CXorf58: variants seen among roughly 807,000 people sequenced by gnomAD.
CXorf58 encodes the protein uncharacterized protein CXorf58.
A neutral mutation model predicts 26.0 loss-of-function variants in CXorf58; 24 were observed. That is an observed-to-expected ratio of 0.92 (90% confidence interval 0.67 to 1.30). CXorf58 has a LOEUF of 1.30. Among genes scored for constraint, CXorf58 ranks in the 50% most tolerant of loss-of-function variants. CXorf58 has a pLI of 0.00. For synonymous variants in CXorf58, 87 were observed against 86.1 expected (o/e 1.01, Z -0.06); for missense variants, 236 against 263.9 (o/e 0.89, Z 0.73).
Position 23,910,834 on chromosome X carries a change from C to G in CXorf58, c.116+416C>G, listed in dbSNP as rs570274549. Among the ~76,000 whole-genome samples, 45 of 94,423 alleles carry G rather than the reference C, an allele frequency of 4.8e-4. 1 individual carries two copies. In the South Asian group the frequency reaches 0.023, roughly 48 times the overall value. The allele number at this position is 94,423 out of a possible 115,157, so 82.0% of individuals were successfully genotyped here. On this transcript the variant is annotated intron_variant, in intron 2 of 8. Transcript: ENST00000379211. The stretch of plus-strand genomic sequence containing the variant: ...AGGCTGGAGTGCAGTGGTGCGATCT[C>G]GGCTCACTGCAACCTCTGTCTCCTG...
intron 6 of CXorf58, among the ~76,000 whole-genome samples, chrX:23,930,603 CA>C (rs35152285): frequency 0.082 from 6,215 of 76,020 alleles, 497 homozygotes; most frequent in African/African-American, 0.28. Flanking sequence ...GACCCTGTCT[CA>C]AAAAAAAAAA....
intron 6 of CXorf58, among the ~76,000 whole-genome samples, chrX:23,931,922 ATAATT>A (rs1342909876): frequency 8.9e-6 from 1 of 112,852 alleles, no homozygotes; most frequent in Admixed American, 9.4e-5. Context: ...TTAGTACACT[ATAATT>A]TAAAACATTA....
intron 5 of CXorf58, among the ~76,000 whole-genome samples, chrX:23,925,513 A>G (rs930688100): frequency 1.8e-5 from 2 of 108,939 alleles, no homozygotes; most frequent in African/African-American, 3.3e-5. Flanking sequence ...ATGCTAGGCA[A>G]ATTTTTGTAT....
intron 5 of CXorf58, among the ~76,000 whole-genome samples, chrX:23,916,835 A>C (rs779701111): frequency 9.3e-6 from 1 of 107,352 alleles, no homozygotes; most frequent in African/African-American, 3.4e-5. Flanking sequence ...GGCTGCAGTG[A>C]GCCAAGATCG....
intron 5 of CXorf58, 146 bp from the exon 6 acceptor site, chrX:23,927,093 G>A: frequency 2.5e-6 from 1 of 401,230 alleles, no homozygotes; most frequent in Non-Finnish European, 4.3e-6. Flanking sequence ...TAATCTCTTT[G>A]CAAATGCAGC....
At chrX:23,917,912 C>G (rs747298347) in intron 5 of CXorf58, among the ~76,000 whole-genome samples, 1 of 111,682 alleles carries the variant, frequency 9.0e-6, no homozygotes, top group African/African-American at 3.2e-5. Flanking sequence ...ATGATCTTGG[C>G]TCACTACAAG....
chrX:23,917,585 T>G (rs944250304), intron 5 of CXorf58, among the ~76,000 whole-genome samples: 1 of 107,140 alleles, frequency 9.3e-6, no homozygotes, highest in Non-Finnish European at 1.9e-5. Context: ...ACCTGGCCAA[T>G]TTTTGTATTT....
At chrX:23,922,320 G>T (rs922059336) in intron 5 of CXorf58, among the ~76,000 whole-genome samples, 14 of 111,357 alleles carry the variant, frequency 1.3e-4, no homozygotes, top group African/African-American at 4.6e-4. Flanking sequence ...GTTGCAGTGA[G>T]CCGAGATTGC....
At chrX:23,921,177 G>C (rs1927858002) in intron 5 of CXorf58, among the ~76,000 whole-genome samples, 1 of 111,324 alleles carries the variant, frequency 9.0e-6, no homozygotes, top group African/African-American at 3.3e-5. Context: ...ACAGGCTTGA[G>C]CAAATGAGAA....
At chrX:23,920,018 C>G (rs1927824025) in intron 5 of CXorf58, among the ~76,000 whole-genome samples, 1 of 112,760 alleles carries the variant, frequency 8.9e-6, no homozygotes, top group South Asian at 3.6e-4. Context: ...GAATCTCTCT[C>G]TTTCTGTACT....
rs1433936456 is a variant in CXorf58, at chrX:23,926,827, G to T, written c.424-412G>T. Among the ~76,000 whole-genome samples, 3 of 111,565 alleles carry T rather than the reference G, an allele frequency of 2.7e-5. No homozygotes were observed. In the Admixed American group the frequency reaches 2.9e-4, roughly 11 times the overall value. Reference sequence around the variant, plus strand: ...GAGGCCAGGAGATCGAGACCATCCTGGCTAACACGGCGAAAGCTGGTCTCT... The same window carrying T: ...GAGGCCAGGAGATCGAGACCATCCTTGCTAACACGGCGAAAGCTGGTCTCT... On this transcript the variant is annotated intron_variant, in intron 5 of 8. Coordinates refer to ENST00000379211, the MANE Select transcript of CXorf58 (RefSeq NM_152761.3).
intron 6 of CXorf58, among the ~76,000 whole-genome samples, chrX:23,928,767 C>A (rs2147075048): frequency 1.8e-5 from 2 of 111,361 alleles, no homozygotes; most frequent in South Asian, 7.5e-4. Context: ...CTCCACCAAC[C>A]AGCCATTCCA....
intron 4 of CXorf58, 97 bp from the exon 5 acceptor site, chrX:23,916,120 A>G (rs1927712895): frequency 4.0e-6 from 2 of 494,026 alleles, no homozygotes; most frequent in Admixed American, 7.9e-5. Context: ...TTTACCCTGT[A>G]TGCAAGAAAC....
At chrX:23,928,880 A>G (rs979738297) in intron 6 of CXorf58, among the ~76,000 whole-genome samples, 3 of 111,587 alleles carry the variant, frequency 2.7e-5, no homozygotes, top group African/African-American at 9.8e-5. Context: ...TGTTCGAGTG[A>G]AAGAGTCATG....
chrX:23,938,139 C>T (rs1267068846), intron 7 of CXorf58, among the ~76,000 whole-genome samples: 1 of 110,079 alleles, frequency 9.1e-6, no homozygotes, highest in Non-Finnish European at 1.9e-5. Flanking sequence ...CCGCTTGCCT[C>T]GGCCTCCCAA....
chrX:23,923,216 A>G (rs1029506702), intron 5 of CXorf58, among the ~76,000 whole-genome samples: 1 of 111,640 alleles, frequency 9.0e-6, no homozygotes, highest in Non-Finnish European at 1.9e-5. Flanking sequence ...AGGTGGGCAG[A>G]GAGCTTGCCC....
Position 23,933,408 on chromosome X carries a change from T to C in CXorf58, c.556-1788T>C, listed in dbSNP as rs187650702. On this transcript the variant is annotated intron_variant, in intron 6 of 8. Coordinates refer to ENST00000379211, the MANE Select transcript of CXorf58 (RefSeq NM_152761.3). ...GTTAAAGTGATGATATATATTTGTA[T>C]TTTTAATTCCTAATTTGATATCATT... Among the ~76,000 whole-genome samples the C allele has an allele frequency of 1.0e-3, 114 of 112,086 alleles. 1 individual carries two copies. In the Admixed American group the frequency reaches 0.011, roughly 11 times the overall value.
intron 5 of CXorf58, among the ~76,000 whole-genome samples, chrX:23,925,786 C>CTTTT (rs11296283): frequency 5.0e-4 from 36 of 71,722 alleles, no homozygotes; most frequent in African/African-American, 8.5e-4. Flanking sequence ...CTTTTCTTTT[C>CTTTT]TTTTTTTTTT....
intron 5 of CXorf58, among the ~76,000 whole-genome samples, chrX:23,923,226 C>T (rs1927913427): frequency 1.8e-5 from 2 of 111,498 alleles, no homozygotes; most frequent in Admixed American, 1.9e-4. Context: ...AGAGCTTGCC[C>T]TATGCTGCCA....
Sources: gnomAD v4.1 joint callset for allele counts (sites outside exome capture counted in the v4.1 genomes callset) on GRCh38, gnomAD v4.1.1 for gene constraint, MANE v1.5 for transcripts, NCBI Gene and HGNC (gene_info 2026-07-23, HGNC 2026-07-21) for gene names.